Variants in ATF1 observed in about 807,000 individuals in gnomAD.
The protein encoded by ATF1 is cyclic AMP-dependent transcription factor ATF-1.
In ATF1, 16 loss-of-function variants were observed where a neutral mutation model predicts 34.7. The observed-to-expected ratio is 0.46, with a 90% confidence interval of 0.31 to 0.70. ATF1 has a LOEUF of 0.70. Among genes scored for constraint, ATF1 ranks in the 30% least tolerant of loss-of-function variants. The pLI, the probability that ATF1 is intolerant of heterozygous loss-of-function variation, is 0.05. For missense variants in ATF1, 255 were observed against 321.6 expected (o/e 0.79, Z 1.58); for synonymous variants, 105 against 113.1 (o/e 0.93, Z 0.46).
At chr12:50,819,177 A>G (rs368869134) in intron 6 of ATF1, among the ~76,000 whole-genome samples, 2 of 152,216 alleles carry the variant, frequency 1.3e-5, no homozygotes, top group East Asian at 3.8e-4. Flanking sequence ...GGATACACAA[A>G]TGGTGGTTAT....
chr12:50,799,256 G>A (rs1170205492), intron 3 of ATF1, among the ~76,000 whole-genome samples: 1 of 152,106 alleles, frequency 6.6e-6, no homozygotes, highest in Non-Finnish European at 1.5e-5. Flanking sequence ...ATGGTGGTGT[G>A]TACCTGTAGT....
intron 2 of ATF1, among the ~76,000 whole-genome samples, chr12:50,780,501 C>T (rs560638582): frequency 6.5e-4 from 99 of 151,842 alleles, no homozygotes; most frequent in Admixed American, 1.7e-3. Flanking sequence ...TCTGCCACCA[C>T]GCCTGGCTAT....
At chr12:50,764,912 C>T (rs1033939867) in intron 1 of ATF1, among the ~76,000 whole-genome samples, 1 of 152,192 alleles carries the variant, frequency 6.6e-6, no homozygotes, top group Non-Finnish European at 1.5e-5. Context: ...GGCGGCTTTA[C>T]CCCTGGCTAG....
At chr12:50,816,106 G>A (rs1592205636) in intron 6 of ATF1, among the ~76,000 whole-genome samples, 1 of 151,974 alleles carries the variant, frequency 6.6e-6, no homozygotes, top group Non-Finnish European at 1.5e-5. Flanking sequence ...AGGCCGAGGC[G>A]GGAGGATCAC....
chr12:50,800,374 TA>T (rs1384521944), intron 3 of ATF1, among the ~76,000 whole-genome samples: 1 of 152,220 alleles, frequency 6.6e-6, no homozygotes, highest in Non-Finnish European at 1.5e-5. Context: ...AGAAAATTCT[TA>T]AGACGAAAGA....
At chr12:50,797,731 A>G (rs1941436672) in intron 3 of ATF1, among the ~76,000 whole-genome samples, 1 of 152,132 alleles carries the variant, frequency 6.6e-6, no homozygotes, top group Non-Finnish European at 1.5e-5. Context: ...TCAGCCTCCC[A>G]AAGTGTTGCT....
intron 1 of ATF1, among the ~76,000 whole-genome samples, chr12:50,771,745 G>A (rs1940776169): frequency 6.6e-6 from 1 of 152,108 alleles, no homozygotes; most frequent in South Asian, 2.1e-4. Context: ...CAAAATACAG[G>A]TCATAAAGAC....
At chr12:50,772,842 C>A (rs12309930) in intron 1 of ATF1, among the ~76,000 whole-genome samples, 1 of 151,992 alleles carries the variant, frequency 6.6e-6, no homozygotes, top group African/African-American at 2.4e-5. Flanking sequence ...TGATGGTTTG[C>A]TGCACAGAAC....
chr12:50,809,539 C>T lies in ATF1; in HGVS notation c.278C>T (p.Thr93Ile), dbSNP rs1343110744. 6 of 1,613,748 alleles carry T rather than the reference C, an allele frequency of 3.7e-6. No individual in the cohort carries two copies. Among genetic ancestry groups the T allele is most frequent in the African/African-American group, 1.3e-5 (1 of 74,918 alleles). Reference protein sequence around the residue: ...GENSGVSAAVTSMSVPTPIYQ... With the variant: ...GENSGVSAAVISMSVPTPIYQ... The stretch of plus-strand genomic sequence containing the variant: ...AATTCTGGAGTTTCTGCTGCTGTCA[C>T]TTCTATGTCTGTTCCAACTCCCATC... Residue 93 changes from threonine (T) to isoleucine (I), a missense_variant, in exon 4 of 7, where the codon ACT becomes ATT. Thr to Ile is a moderately conservative substitution (Grantham distance 89). Transcript: ENST00000262053.
Position 50,820,028 on chromosome 12 carries a change from C to T in ATF1, c.*249C>T, listed in dbSNP as rs1214880389. 6.7e-6 allele frequency: 2 copies of T among 299,686 alleles called. No individual in the cohort carries two copies. The highest frequency in any genetic ancestry group is 1.2e-5 in the Non-Finnish European group (2 of 163,656). 18.6% of individuals were successfully genotyped at this position (299,686 alleles called of 1,614,324 possible). A position where few individuals can be genotyped will look rare whatever the true frequency, so the allele number is the denominator to read the frequency against. On this transcript the variant is annotated 3_prime_UTR_variant, in exon 7 of 7. Coordinates refer to ENST00000262053, the MANE Select transcript of ATF1 (RefSeq NM_005171.5). ...CAAGGAGCAAGAAATGAACTTTCAGCAGTCTAAATTTTCTAAATAACCAAT... is the reference window on the plus strand; with the variant it reads ...CAAGGAGCAAGAAATGAACTTTCAGTAGTCTAAATTTTCTAAATAACCAAT...
At chr12:50,793,400 C>T (rs534964047) in intron 2 of ATF1, among the ~76,000 whole-genome samples, 6 of 152,018 alleles carry the variant, frequency 3.9e-5, no homozygotes, top group South Asian at 4.2e-4. Context: ...CTGAGGTGGG[C>T]GGATCACGAG....
chr12:50,783,884 A>G (rs1309838313), intron 2 of ATF1, among the ~76,000 whole-genome samples: 2 of 138,914 alleles, frequency 1.4e-5, no homozygotes, highest in African/African-American at 5.5e-5. Flanking sequence ...AAAAAAAAAA[A>G]TGGCTGGCCA....
intron 2 of ATF1, among the ~76,000 whole-genome samples, chr12:50,790,406 A>G (rs923258767): frequency 5.3e-5 from 8 of 151,836 alleles, no homozygotes; most frequent in Admixed American, 3.3e-4. Flanking sequence ...CATTTTACCT[A>G]TGTTGCCCAG....
intron 6 of ATF1, 117 bp downstream of exon 6, chr12:50,814,556 C>A: frequency 1.8e-6 from 2 of 1,105,572 alleles, no homozygotes; most frequent in Non-Finnish European, 2.5e-6. Context: ...TTTAAGTAAA[C>A]AATGGACCAC....
In ATF1 at chr12:50,814,174, A is replaced by C. The variant is rs1243367912; in HGVS notation, c.493A>C (p.Asn165His). The C allele has an allele frequency of 1.2e-6, 2 of 1,613,996 alleles. No homozygotes were observed. Reference sequence around the variant, plus strand: ...TGGACAGCAGATACTTGTGCCCAGCAATCAGGTGGTCGTACAAAGTAAGTA... The same window carrying C: ...TGGACAGCAGATACTTGTGCCCAGCCATCAGGTGGTCGTACAAAGTAAGTA... ...SDGQQILVPS[N>H]QVVVQTASGD... is the part of the protein sequence containing the mutation. Residue 165 changes from asparagine (N) to histidine (H), a missense_variant, in exon 5 of 7, where the codon AAT becomes CAT. Asn to His is a moderately conservative substitution (Grantham distance 68). Coordinates refer to ENST00000262053, the MANE Select transcript of ATF1 (RefSeq NM_005171.5).
chr12:50,766,112 A>G (rs1474979273), intron 1 of ATF1, among the ~76,000 whole-genome samples: 2 of 152,196 alleles, frequency 1.3e-5, no homozygotes, highest in African/African-American at 4.8e-5. Context: ...CAAAGGGACT[A>G]TAGTGCAGAA....
At chr12:50,763,824 G>C (rs1940551291), upstream of ATF1, 1 of 152,172 alleles carries the variant, frequency 6.6e-6, no homozygotes. Flanking sequence ...AGCGGACGTA[G>C]GGCGGGTGGG....
intron 2 of ATF1, among the ~76,000 whole-genome samples, chr12:50,787,355 C>G (rs1002148724): frequency 3.3e-5 from 5 of 152,052 alleles, no homozygotes; most frequent in African/African-American, 9.7e-5. Context: ...GTTAAAGGCT[C>G]CAGTGGGAAA....
At chr12:50,779,737 GA>G (rs1277081353) in intron 1 of ATF1, among the ~76,000 whole-genome samples, 1 of 151,926 alleles carries the variant, frequency 6.6e-6, no homozygotes, top group Non-Finnish European at 1.5e-5. Context: ...AACTTATTTA[GA>G]ACCTCCTTAG....
Sources: allele counts gnomAD v4.1 joint callset (sites outside exome capture counted in the v4.1 genomes callset), GRCh38; gene constraint gnomAD v4.1.1; transcripts MANE v1.5; gene names NCBI Gene and HGNC (gene_info 2026-07-23, HGNC 2026-07-21).